ZFYVE16: variants seen among roughly 807,000 people sequenced by gnomAD.
ZFYVE16 encodes the protein zinc finger FYVE domain-containing protein 16.
Under a neutral mutation model 138.1 loss-of-function variants are expected in ZFYVE16, and 89 were observed. That is an observed-to-expected ratio of 0.64 (90% confidence interval 0.54 to 0.77). ZFYVE16 has a LOEUF of 0.77. ZFYVE16 is among the 30% of genes least tolerant of loss of function. The probability of loss-of-function intolerance (pLI) is 0.00; values close to 1 mark genes in which losing one functional copy is unlikely to be tolerated. For missense variants in ZFYVE16, 1,793 were observed against 1,786.7 expected, an observed-to-expected ratio of 1.00 and a Z score of -0.06; for synonymous variants, 596 against 618.3, an observed-to-expected ratio of 0.96 and a Z score of 0.53.
At chr5:80,449,475 G>T in intron 8 of ZFYVE16, 116 bp from the exon 9 acceptor site, 1 of 1,052,054 alleles carries the variant, frequency 9.5e-7, no homozygotes. Flanking sequence ...AAACATGTTT[G>T]CTTCTGTTTT....
rs144583346 is a variant in ZFYVE16 at position 80,436,426 on chromosome 5, T to C, written c.71-330T>C. Among the ~76,000 whole-genome samples the C allele has an allele frequency of 6.3e-3, 953 of 151,328 alleles. 10 individuals carry two copies. Among genetic ancestry groups the C allele is most frequent in the African/African-American group, 0.021 (878 of 40,934 alleles). ...AAGGACATTCGTTTATGCAGTCAGTTAGTCATTTCTTGAACACTTAAGTTT... is the reference window on the plus strand; with the variant it reads ...AAGGACATTCGTTTATGCAGTCAGTCAGTCATTTCTTGAACACTTAAGTTT... On this transcript the variant is annotated intron_variant, in intron 3 of 18. Coordinates refer to ENST00000505560, the MANE Select transcript of ZFYVE16 (RefSeq NM_001284236.3).
intron 15 of ZFYVE16, 143 bp downstream of exon 15, chr5:80,459,637 A>G: frequency 1.6e-6 from 1 of 632,478 alleles, no homozygotes; most frequent in Non-Finnish European, 2.6e-6. Context: ...AACCAGCACA[A>G]GAAGTAGAAG....
intron 1 of ZFYVE16, among the ~76,000 whole-genome samples, chr5:80,416,634 G>A (rs1264453528): frequency 6.6e-6 from 1 of 151,232 alleles, no homozygotes; most frequent in Admixed American, 6.6e-5. Context: ...GCCTTTGGGA[G>A]TTCTTTCACT....
At chr5:80,456,802 C>A in intron 13 of ZFYVE16, 143 bp from the exon 14 acceptor site, 2 of 1,043,760 alleles carry the variant, frequency 1.9e-6, no homozygotes, top group Non-Finnish European at 1.3e-6. Flanking sequence ...TATTTTAAAA[C>A]ATTTGTTTCC....
Position 80,437,341 on chromosome 5 carries a change from A to G in ZFYVE16, c.656A>G (p.Tyr219Cys), listed in dbSNP as rs141062809. 128 of 1,602,160 alleles carry G rather than the reference A, an allele frequency of 8.0e-5. 1 individual carries two copies. Among genetic ancestry groups the G allele is most frequent in the Middle Eastern group, 3.4e-4 (2 of 5,970 alleles). Residue 219 changes from tyrosine (Y) to cysteine (C), a missense_variant, in exon 4 of 19, where the codon TAT (tyrosine) becomes TGT (cysteine). By Grantham distance (194) the Tyr-to-Cys change is radical. Coordinates refer to ENST00000505560, the MANE Select transcript of ZFYVE16 (RefSeq NM_001284236.3). ...IKVDTTLSDS[Y>C]NYSGTENLKD... The stretch of plus-strand genomic sequence containing the variant: ...GTAGATACAACACTTTCAGATTCCT[A>G]TAATTACAGTGGAACAGAAAATTTA...
In ZFYVE16 at chr5:80,480,716, G is replaced by T. The variant is rs1401013253; in HGVS notation, c.*3339G>T. Reference sequence around the variant, plus strand: ...AGGCAGGAGGATCACTCGAGCTCAGGTTGAGACCAGAGTGAGCAACACAGG... The same window carrying T: ...AGGCAGGAGGATCACTCGAGCTCAGTTTGAGACCAGAGTGAGCAACACAGG... On this transcript the variant is annotated 3_prime_UTR_variant, in exon 19 of 19. Transcript: ENST00000505560. Among the ~76,000 whole-genome samples, 2 of 152,066 alleles carry T rather than the reference G, an allele frequency of 1.3e-5. No homozygotes were observed. The highest frequency in any genetic ancestry group is 2.9e-5 in the Non-Finnish European group (2 of 68,010).
intron 7 of ZFYVE16, among the ~76,000 whole-genome samples, 166 bp from the exon 8 acceptor site, chr5:80,447,860 A>C (rs1751554377): frequency 6.6e-6 from 1 of 152,216 alleles, no homozygotes; most frequent in Non-Finnish European, 1.5e-5. Context: ...TGAAGAATCA[A>C]AATGGTACTG....
chr5:80,440,823 C>A (rs1580233733), intron 5 of ZFYVE16: 1 of 985,182 alleles, frequency 1.0e-6, no homozygotes, highest in East Asian at 1.1e-4. Flanking sequence ...CAGACCTGTG[C>A]ACTAGCTCAG....
rs1339918823 is a variant in ZFYVE16, at chr5:80,455,470, G to A, written c.3608-222G>A. Reference sequence around the variant, plus strand: ...AATTACTTGAACCCAGGAAGTGGAGGTTGCAATGAGTCGAGATTGCACCGC... The same window carrying A: ...AATTACTTGAACCCAGGAAGTGGAGATTGCAATGAGTCGAGATTGCACCGC... On this transcript the variant is annotated intron_variant, in intron 11 of 18. Coordinates refer to ENST00000505560, the MANE Select transcript of ZFYVE16 (RefSeq NM_001284236.3). 1.6e-5 allele frequency: 7 copies of A among 441,370 alleles called. No homozygotes were observed. In the East Asian group the frequency reaches 3.4e-4, roughly 21 times the overall value. 27.3% of individuals were successfully genotyped at this position (441,370 alleles called of 1,614,324 possible).
chr5:80,439,136 A>G (rs964610579), intron 4 of ZFYVE16, 129 bp downstream of exon 4: 24 of 993,320 alleles, frequency 2.4e-5, no homozygotes, highest in Non-Finnish European at 2.9e-5. Flanking sequence ...TTTTTCATCT[A>G]CCAGTCAGGG....
rs971228684 is a variant in ZFYVE16, at chr5:80,459,291, T to C, written c.3944-123T>C. The C allele has an allele frequency of 1.1e-5, 7 of 643,524 alleles. No homozygotes were observed. The African/African-American group carries it at 1.3e-4, about 12-fold the overall frequency. 39.9% of individuals were successfully genotyped at this position (643,524 alleles called of 1,614,324 possible). ...TTTGTCTTTTTAATTAGTTTTCTAG[T>C]TTAAGTTGTGTGGGTATAACATTTA... On this transcript the variant is annotated intron_variant, in intron 14 of 18. Transcript: ENST00000505560.
rs575505733 is a variant in ZFYVE16 at position 80,482,443 on chromosome 5, T to C, written c.*5066T>C. The C allele has an allele frequency of 3.5e-4, 53 of 152,276 alleles. No homozygotes were observed. The highest frequency in any genetic ancestry group is 1.2e-3 in the African/African-American group (49 of 41,560). The allele number at this position is 152,276 out of a possible 1,614,324, so 9.4% of individuals were successfully genotyped here. ...TGGGACAATATGAAACAGTCTAATA[T>C]TCATGTCTTAGGAGCCCAGAAAGAA... On this transcript the variant is annotated 3_prime_UTR_variant, in exon 19 of 19. Transcript: ENST00000505560.
At chr5:80,459,386 AC>A (rs1752871917) in intron 14 of ZFYVE16, 27 bp from the exon 15 acceptor site, 1 of 1,603,790 alleles carries the variant, frequency 6.2e-7, no homozygotes, top group South Asian at 1.1e-5. Context: ...GCAGTTTAAA[AC>A]AAATAATTGT....
At chr5:80,445,749 G>GT (rs1436786926) in intron 7 of ZFYVE16, among the ~76,000 whole-genome samples, 1 of 105,152 alleles carries the variant, frequency 9.5e-6, no homozygotes, top group Admixed American at 1.3e-4. Flanking sequence ...TAAAAAAAAT[G>GT]TTTTTTTAAT....
rs549031328 is a variant in ZFYVE16, at chr5:80,417,233, C to G, written c.-94+9080C>G. Among the ~76,000 whole-genome samples the G allele has an allele frequency of 1.7e-4, 26 of 152,282 alleles. No individual in the cohort carries two copies. The East Asian group carries it at 2.7e-3, about 16-fold the overall frequency. On this transcript the variant is annotated intron_variant, in intron 1 of 18. Transcript: ENST00000505560. ...AGTGCCTGTCTTTTCTTTCTTTAGT[C>G]TTACATATTCCACTCATTTCCAAAG...
chr5:80,438,234 A>T lies in ZFYVE16; in HGVS notation c.1549A>T (p.Asn517Tyr). The T allele has an allele frequency of 6.2e-7, 1 of 1,614,038 alleles. No individual in the cohort carries two copies. Among genetic ancestry groups the T allele is most frequent in the Non-Finnish European group, 8.5e-7 (1 of 1,179,968 alleles). ...DMDGQDLDYFNIDEGAKSGPL... is the reference protein window; with the variant it reads ...DMDGQDLDYFYIDEGAKSGPL... Reference sequence around the variant, plus strand: ...GGATGGGCAAGACTTAGATTACTTTAATATTGATGAAGGCGCAAAAAGTGG... The same window carrying T: ...GGATGGGCAAGACTTAGATTACTTTTATATTGATGAAGGCGCAAAAAGTGG... Residue 517 changes from asparagine (N) to tyrosine (Y), a missense_variant, in exon 4 of 19, where the codon AAT (asparagine) becomes TAT (tyrosine). Physicochemically the swap from Asn to Tyr is moderately radical, Grantham distance 143 (BLOSUM62 -2). This residue lies in a region of ZFYVE16 where 1,295 missense variants were observed against 1,204.3 expected (regional missense o/e 1.08). Coordinates refer to ENST00000505560, the MANE Select transcript of ZFYVE16 (RefSeq NM_001284236.3).
At position 80,448,230 on chromosome 5, in the gene ZFYVE16, G is replaced by C. The variant is rs755339151; in HGVS notation, c.2929G>C (p.Glu977Gln). 1 of 1,613,840 alleles carries C rather than the reference G, an allele frequency of 6.2e-7. No homozygotes were observed. The highest frequency in any genetic ancestry group is 1.7e-5 in the Admixed American group (1 of 59,998). The change falls in exon 8 of 19, where the codon GAA becomes CAA. Residue 977 changes from glutamate to glutamine, a missense_variant. Glu to Gln is a conservative substitution (Grantham distance 29, BLOSUM62 2). Transcript: ENST00000505560. ...LDDDVFAETE[E>Q]PSSPTGVLVN... ...TGATGATGTTTTTGCAGAAACTGAA[G>C]AACCATCTAGTCCTACTGGTGTCTT...
intron 15 of ZFYVE16, among the ~76,000 whole-genome samples, chr5:80,469,011 T>G (rs182440150): frequency 1.3e-5 from 2 of 152,248 alleles, no homozygotes; most frequent in Admixed American, 1.3e-4. Context: ...TTTTATGATT[T>G]ATTTTTATGT....
chr5:80,424,832 A>G (rs900509697), intron 1 of ZFYVE16, among the ~76,000 whole-genome samples: 4 of 152,242 alleles, frequency 2.6e-5, no homozygotes, highest in African/African-American at 9.6e-5. Flanking sequence ...TATAACCACA[A>G]TTTAAAAATT....
Sources: allele counts gnomAD v4.1 joint callset (sites outside exome capture counted in the v4.1 genomes callset), GRCh38; gene constraint gnomAD v4.1.1; regional missense constraint gnomAD v4.1.1; transcripts MANE v1.5; gene names NCBI Gene and HGNC (gene_info 2026-07-23, HGNC 2026-07-21).